Variants in COMMD10 observed in about 807,000 individuals in gnomAD.
COMMD10 encodes the protein COMM domain containing 10.
In COMMD10, 33 loss-of-function variants were observed where a neutral mutation model predicts 28.9. That is an observed-to-expected ratio of 1.14 (90% CI 0.87 to 1.53). The LOEUF is 1.53. Among genes scored for constraint, COMMD10 ranks in the 40% most tolerant of loss-of-function variants. COMMD10 has a pLI of 0.00. For missense variants in COMMD10, 310 were observed against 233.4 expected (o/e 1.33, Z -2.14); for synonymous variants, 110 against 81.7 (o/e 1.35, Z -1.87).
At chr5:116,289,313 A>G (rs762699780) in intron 5 of COMMD10, among the ~76,000 whole-genome samples, 1 of 151,846 alleles carries the variant, frequency 6.6e-6, no homozygotes, top group East Asian at 1.9e-4. Flanking sequence ...ATATTTCCCT[A>G]TTGCTTTGTA....
chr5:116,288,590 GT>G (rs1167593473), intron 5 of COMMD10, among the ~76,000 whole-genome samples: 1 of 151,518 alleles, frequency 6.6e-6, no homozygotes, highest in Admixed American at 6.6e-5. Context: ...TATGGACCTG[GT>G]TGATATTGTC....
At chr5:116,157,739 T>C (rs1195732844) in intron 5 of COMMD10, among the ~76,000 whole-genome samples, 2 of 152,176 alleles carry the variant, frequency 1.3e-5, no homozygotes, top group Admixed American at 1.3e-4. Context: ...ATTTTTGCAA[T>C]TTACCAAAAT....
intron 5 of COMMD10, among the ~76,000 whole-genome samples, chr5:116,146,256 C>T (rs756023137): frequency 6.6e-6 from 1 of 151,812 alleles, no homozygotes; most frequent in South Asian, 2.1e-4. Context: ...CCAGTGGCTA[C>T]TCGTTGATCT....
intron 5 of COMMD10, among the ~76,000 whole-genome samples, chr5:116,283,304 G>A (rs1454959592): frequency 6.6e-6 from 1 of 151,426 alleles, no homozygotes; most frequent in African/African-American, 2.4e-5. Context: ...GGAAGGGTGT[G>A]TATGTATATC....
chr5:116,239,346 A>G (rs927365089), intron 5 of COMMD10, among the ~76,000 whole-genome samples: 1 of 152,192 alleles, frequency 6.6e-6, no homozygotes, highest in Non-Finnish European at 1.5e-5. Flanking sequence ...TTACTCACAC[A>G]TTTGTGAGAG....
chr5:116,269,495 A>T (rs143045007), intron 5 of COMMD10, among the ~76,000 whole-genome samples: 1 of 151,782 alleles, frequency 6.6e-6, no homozygotes, highest in South Asian at 2.1e-4. Context: ...AATCTTATGC[A>T]GTTCAAGTTA....
intron 4 of COMMD10, among the ~76,000 whole-genome samples, chr5:116,113,777 T>C (rs1480286574): frequency 6.6e-6 from 1 of 152,102 alleles, no homozygotes; most frequent in Non-Finnish European, 1.5e-5. Flanking sequence ...TTCTTTGGGG[T>C]TGTAAGGTTT....
intron 5 of COMMD10, among the ~76,000 whole-genome samples, chr5:116,143,690 A>G (rs1313744576): frequency 1.3e-5 from 2 of 151,858 alleles, no homozygotes; most frequent in African/African-American, 2.4e-5. Context: ...ATTTTGACAT[A>G]AAAGTATTAA....
chr5:116,247,320 G>A (rs534389495), intron 5 of COMMD10, among the ~76,000 whole-genome samples: 2 of 152,128 alleles, frequency 1.3e-5, no homozygotes, highest in Admixed American at 6.6e-5. Flanking sequence ...AAAAATAACA[G>A]ATGTTGGTGA....
intron 4 of COMMD10, among the ~76,000 whole-genome samples, chr5:116,123,945 G>C (rs1209234431): frequency 6.7e-6 from 1 of 149,954 alleles, no homozygotes; most frequent in Non-Finnish European, 1.5e-5. Flanking sequence ...TTATCTATTT[G>C]ATTCTTCTCG....
intron 5 of COMMD10, among the ~76,000 whole-genome samples, chr5:116,173,660 G>A (rs1457082338): frequency 1.3e-5 from 2 of 151,908 alleles, no homozygotes; most frequent in East Asian, 3.9e-4. Context: ...AAAAGTTATG[G>A]TCTGTTCTAT....
At chr5:116,085,436 T>A (rs749964109) in intron 1 of COMMD10, 11 of 325,840 alleles carry the variant, frequency 3.4e-5, no homozygotes, top group Non-Finnish European at 5.6e-5. Context: ...CCGAATCACG[T>A]GGAACGGTAT....
intron 1 of COMMD10, among the ~76,000 whole-genome samples, chr5:116,085,811 T>G (rs17138851): frequency 6.6e-6 from 1 of 152,154 alleles, no homozygotes; most frequent in Non-Finnish European, 1.5e-5. Flanking sequence ...GGCAAAATAG[T>G]GTTCGGAAGT....
At chr5:116,128,913 C>T (rs1279353854) in intron 4 of COMMD10, among the ~76,000 whole-genome samples, 1 of 151,816 alleles carries the variant, frequency 6.6e-6, no homozygotes, top group African/African-American at 2.4e-5. Context: ...TGCAGAATAT[C>T]ACACCTACAG....
At chr5:116,154,196 G>T (rs918471718) in intron 5 of COMMD10, among the ~76,000 whole-genome samples, 1 of 152,034 alleles carries the variant, frequency 6.6e-6, no homozygotes, top group Admixed American at 6.6e-5. Context: ...ATGTGAGTTA[G>T]GCTTGGGAAG....
rs181833897 is a variant in COMMD10, at chr5:116,118,965, C to G, written c.400-15103C>G. 1.7e-3 allele frequency among the ~76,000 whole-genome samples: 264 copies of G among 152,298 alleles called. 1 individual carries two copies. Among genetic ancestry groups the G allele is most frequent in the African/African-American group, 6.0e-3 (250 of 41,556 alleles). On this transcript the variant is annotated intron_variant, in intron 4 of 6. Coordinates refer to ENST00000274458, the MANE Select transcript of COMMD10 (RefSeq NM_016144.4). The stretch of plus-strand genomic sequence containing the variant: ...TAGCAAAATCACTCTTATTATGTCA[C>G]AGTATTCAAAGATGTGCATTTGTTA...
intron 5 of COMMD10, among the ~76,000 whole-genome samples, chr5:116,280,540 C>T (rs911990490): frequency 2.0e-5 from 3 of 151,804 alleles, no homozygotes; most frequent in East Asian, 1.9e-4. Flanking sequence ...TTTGGTTAAA[C>T]GTCTATTCCT....
Position 116,085,075 on chromosome 5 carries a change from T to C in COMMD10, c.23T>C (p.Ile8Thr), listed in dbSNP as rs1260825768. The change falls in exon 1 of 7, where the codon ATC becomes ACC. Residue 8 changes from isoleucine to threonine, a missense_variant. Transcript: ENST00000274458. MAVPAAL[I>T]LRESPSMKKA... ...AAGATGGCGGTCCCCGCGGCGCTGA[T>C]CCTACGGGAGAGCCCCAGGTAGCTG... 1.2e-6 allele frequency: 2 copies of C among 1,610,312 alleles called. No individual in the cohort carries two copies. Among genetic ancestry groups the C allele is most frequent in the South Asian group, 2.2e-5 (2 of 90,328 alleles).
intron 5 of COMMD10, among the ~76,000 whole-genome samples, chr5:116,168,052 T>A (rs569192256): frequency 2.0e-5 from 3 of 147,116 alleles, no homozygotes; most frequent in Admixed American, 1.4e-4. Flanking sequence ...TTGGATAGAG[T>A]CAAGACCCAT....
Sources: gnomAD v4.1 joint callset for allele counts (sites outside exome capture counted in the v4.1 genomes callset) on GRCh38, gnomAD v4.1.1 for gene constraint, MANE v1.5 for transcripts, NCBI Gene and HGNC (gene_info 2026-07-23, HGNC 2026-07-21) for gene names.